Variants in IL7 observed in about 807,000 individuals in gnomAD.
IL7 encodes the protein interleukin-7.
Under a neutral mutation model 21.6 loss-of-function variants are expected in IL7, and 3 were observed. The ratio of observed to expected loss-of-function variants is 0.14; its 90% CI spans 0.06 to 0.36. IL7 has a LOEUF of 0.36. Ranked by LOEUF, IL7 falls within the 10% of genes least tolerant of loss-of-function variation. The pLI is 1.00. For missense variants in IL7, 175 were observed against 200.2 expected, an observed-to-expected ratio of 0.87 and a Z score of 0.76; for synonymous variants, 62 against 68.1, an observed-to-expected ratio of 0.91 and a Z score of 0.44.
chr8:78,797,151 A>G (rs1248175692), intron 2 of IL7, among the ~76,000 whole-genome samples: 1 of 151,960 alleles, frequency 6.6e-6, no homozygotes, highest in African/African-American at 2.4e-5. Flanking sequence ...AATCCAGTCT[A>G]AAGAGGCCAC....
intron 2 of IL7, among the ~76,000 whole-genome samples, chr8:78,784,500 G>T (rs1813446554): frequency 6.6e-6 from 1 of 151,840 alleles, no homozygotes; most frequent in African/African-American, 2.4e-5. Flanking sequence ...CTATATACAC[G>T]ATATAACATA....
downstream of IL7, among the ~76,000 whole-genome samples, chr8:78,728,297 A>G (rs753508380): frequency 8.6e-5 from 13 of 151,968 alleles, no homozygotes; most frequent in Non-Finnish European, 1.6e-4. Context: ...GTACATAGAA[A>G]GGCAAAGCAA....
intron 1 of IL7, among the ~76,000 whole-genome samples, chr8:78,801,993 G>C (rs1261942295): frequency 6.6e-6 from 1 of 152,166 alleles, no homozygotes; most frequent in Non-Finnish European, 1.5e-5. Context: ...CTTTTCATTA[G>C]GTTACCGAAA....
rs372461388 is a variant in IL7, at chr8:78,798,052, A to G, written c.147+20T>C. On this transcript the variant is annotated intron_variant, in intron 2 of 5. Transcript: ENST00000263851. ...TTTCCCAATGCATGAAAATGTGAGT[A>G]AAACAAAATAATCACATACCAATAA... is the stretch of plus-strand genomic sequence containing the variant. 1.3e-6 allele frequency: 2 copies of G among 1,577,858 alleles called. No homozygotes were observed. Among genetic ancestry groups the G allele is most frequent in the African/African-American group, 2.7e-5 (2 of 74,222 alleles).
rs148226545 is a variant in IL7 at position 78,734,878 on chromosome 8, G to A, written c.415-1046C>T. Among the ~76,000 whole-genome samples the A allele has an allele frequency of 5.8e-3, 877 of 152,190 alleles. 8 individuals carry two copies. Among genetic ancestry groups the A allele is most frequent in the African/African-American group, 0.02 (822 of 41,528 alleles). On this transcript the variant is annotated intron_variant, in intron 5 of 5. Transcript: ENST00000263851. Reference sequence around the variant, plus strand: ...GATCCGCAAAGAAGATAAATAAGCTGCTAAGGTCAAGTAAATAAATATATG... The same window carrying A: ...GATCCGCAAAGAAGATAAATAAGCTACTAAGGTCAAGTAAATAAATATATG...
chr8:78,762,411 G>C (rs947003017), intron 2 of IL7: 3 of 1,609,432 alleles, frequency 1.9e-6, no homozygotes, highest in African/African-American at 1.3e-5. Context: ...TGCAGTTGGC[G>C]GCAGCGCAGA....
chr8:78,713,557 A>G (rs1326957161), downstream of IL7, among the ~76,000 whole-genome samples: 1 of 152,162 alleles, frequency 6.6e-6, no homozygotes, highest in Non-Finnish European at 1.5e-5. Flanking sequence ...TAGTAGTTCT[A>G]CAACATCCCC....
At chr8:78,707,641 T>TATATCCCACATC (rs1251009289) in intron 3 of IL7, among the ~76,000 whole-genome samples, 1 of 152,222 alleles carries the variant, frequency 6.6e-6, no homozygotes, top group Admixed American at 6.5e-5. Flanking sequence ...TCCCACATCA[T>TATATCCCACATC]ATATAACTGT....
At chr8:78,760,293 A>G in intron 2 of IL7, 1 of 1,607,072 alleles carries the variant, frequency 6.2e-7, no homozygotes, top group Non-Finnish European at 8.5e-7. Flanking sequence ...TTGGTCTGTC[A>G]AAGTGTTCCT....
intron 3 of IL7, among the ~76,000 whole-genome samples, chr8:78,694,812 A>G (rs551272576): frequency 1.6e-4 from 24 of 152,354 alleles, no homozygotes; most frequent in African/African-American, 5.0e-4. Flanking sequence ...TAAAAACACA[A>G]AATAATAATT....
intron 2 of IL7, among the ~76,000 whole-genome samples, chr8:78,786,235 T>C (rs1813505761): frequency 6.6e-6 from 1 of 152,224 alleles, no homozygotes; most frequent in Admixed American, 6.5e-5. Flanking sequence ...CTATAAGGTA[T>C]AGTCTATTGC....
At chr8:78,782,423 G>T (rs1813366314) in intron 2 of IL7, among the ~76,000 whole-genome samples, 1 of 152,128 alleles carries the variant, frequency 6.6e-6, no homozygotes, top group South Asian at 2.1e-4. Context: ...TGCTGTTGTT[G>T]TTGTTGCTTT....
chr8:78,760,393 A>G, intron 2 of IL7: 59 of 1,607,128 alleles, frequency 3.7e-5, no homozygotes, highest in Non-Finnish European at 4.8e-5. Flanking sequence ...TCAGCAATGC[A>G]TACACATTAG....
chr8:78,772,353 T>C (rs1037972329), intron 2 of IL7, among the ~76,000 whole-genome samples: 1 of 152,222 alleles, frequency 6.6e-6, no homozygotes, highest in African/African-American at 2.4e-5. Flanking sequence ...TAGCCTGTAA[T>C]ACATTTTGTT....
At chr8:78,711,923 T>TA (rs1469431903) in intron 3 of IL7, 3 of 1,029,056 alleles carry the variant, frequency 2.9e-6, no homozygotes, top group Admixed American at 2.5e-5. Context: ...TAATGTCTTT[T>TA]AAAAAAACTT....
chr8:78,681,738 C>G (rs1398276527), intron 4 of IL7, among the ~76,000 whole-genome samples: 1 of 151,906 alleles, frequency 6.6e-6, no homozygotes, highest in African/African-American at 2.4e-5. Flanking sequence ...TATATTTGTT[C>G]TGGTATCTGT....
intron 3 of IL7, among the ~76,000 whole-genome samples, chr8:78,725,827 AAT>A (rs1811330432): frequency 6.6e-6 from 1 of 152,016 alleles, no homozygotes; most frequent in Admixed American, 6.6e-5. Flanking sequence ...TGTGACATTT[AAT>A]AGGCCTCAGT....
chr8:78,741,857 C>T lies in IL7; in HGVS notation c.148-1775G>A, dbSNP rs1458014821. ...GTTGCTTTCTAAAATTCTTTTCATTCATGCCCTATCAGAAGAATGGCTCAG... is the reference window on the plus strand; with the variant it reads ...GTTGCTTTCTAAAATTCTTTTCATTTATGCCCTATCAGAAGAATGGCTCAG... On this transcript the variant is annotated intron_variant, in intron 2 of 5. Coordinates refer to ENST00000263851, the MANE Select transcript of IL7 (RefSeq NM_000880.4). Among the ~76,000 whole-genome samples, 4 of 152,230 alleles carry T rather than the reference C, an allele frequency of 2.6e-5. No individual in the cohort carries two copies. In the East Asian group the frequency reaches 7.7e-4, roughly 29 times the overall value.
At chr8:78,689,691 A>G (rs1035904594) in intron 3 of IL7, among the ~76,000 whole-genome samples, 1 of 152,006 alleles carries the variant, frequency 6.6e-6, no homozygotes, top group African/African-American at 2.4e-5. Context: ...ATCGAGTGAA[A>G]GACCTTGTTA....
Sources: allele counts gnomAD v4.1 joint callset (sites outside exome capture counted in the v4.1 genomes callset), GRCh38; gene constraint gnomAD v4.1.1; transcripts MANE v1.5; gene names NCBI Gene and HGNC (gene_info 2026-07-23, HGNC 2026-07-21).